The following PTPRM variants were observed in gnomAD, a reference collection of about 807,000 sequenced individuals.
The protein encoded by PTPRM is protein tyrosine phosphatase receptor type M, also known as receptor-type tyrosine-protein phosphatase mu.
PTPRM carries 47 observed loss-of-function variants against 186.7 expected under a neutral mutation model. The ratio of observed to expected loss-of-function variants is 0.25; its 90% CI spans 0.20 to 0.32. The LOEUF (loss-of-function observed/expected upper bound fraction) is 0.32, where lower values mean the gene tolerates loss of function less well. PTPRM is among the 10% of genes least tolerant of loss of function. The pLI is 1.00. For synonymous variants in PTPRM, 668 were observed against 674.9 expected, an observed-to-expected ratio of 0.99 and a Z score of 0.16; for missense variants, 1,494 against 1,865.0, an observed-to-expected ratio of 0.80 and a Z score of 3.66.
chr18:8,155,720 T>C (rs1299788354), intron 14 of PTPRM, among the ~76,000 whole-genome samples: 1 of 152,198 alleles, frequency 6.6e-6, no homozygotes, highest in Non-Finnish European at 1.5e-5. Context: ...TTCAAAGAGA[T>C]GCCTGCAGCA....
chr18:8,228,119 G>A (rs2094237844), intron 14 of PTPRM, among the ~76,000 whole-genome samples: 1 of 152,246 alleles, frequency 6.6e-6, no homozygotes, highest in African/African-American at 2.4e-5. Flanking sequence ...CCCAAGTGGA[G>A]GGTGTTGTTT....
At chr18:7,939,973 C>G (rs1298506884) in intron 5 of PTPRM, among the ~76,000 whole-genome samples, 2 of 152,144 alleles carry the variant, frequency 1.3e-5, no homozygotes, top group Non-Finnish European at 2.9e-5. Flanking sequence ...TTTCTAGATG[C>G]TCAGTGGTAC....
intron 7 of PTPRM, among the ~76,000 whole-genome samples, chr18:8,024,821 C>T (rs548650452): frequency 3.3e-5 from 5 of 151,596 alleles, no homozygotes; most frequent in Admixed American, 6.6e-5. Flanking sequence ...GTAGCTGGTA[C>T]TACAGATGCA....
At chr18:8,115,119 A>G (rs543384910) in intron 13 of PTPRM, among the ~76,000 whole-genome samples, 1 of 152,290 alleles carries the variant, frequency 6.6e-6, no homozygotes, top group East Asian at 1.9e-4. Context: ...TAATTTTTAT[A>G]TGATCTCAGT....
At chr18:8,144,219 G>A (rs1049193329) in intron 14 of PTPRM, among the ~76,000 whole-genome samples, 12 of 152,196 alleles carry the variant, frequency 7.9e-5, no homozygotes, top group African/African-American at 2.9e-4. Flanking sequence ...CACCGTGCTA[G>A]GGAAGGTCAT....
At chr18:7,569,841 G>A (rs2036525412) in intron 1 of PTPRM, among the ~76,000 whole-genome samples, 1 of 152,140 alleles carries the variant, frequency 6.6e-6, no homozygotes, top group East Asian at 1.9e-4. Flanking sequence ...ATTTGTTTGA[G>A]TTAATCATAC....
At chr18:8,387,469 T>A (rs2095783141) in intron 31 of PTPRM, among the ~76,000 whole-genome samples, 1 of 149,184 alleles carries the variant, frequency 6.7e-6, no homozygotes. Context: ...GACCGTTTCA[T>A]TAGGACCCCT....
intron 1 of PTPRM, among the ~76,000 whole-genome samples, chr18:7,646,949 C>T (rs958862039): frequency 7.2e-5 from 11 of 152,020 alleles, no homozygotes; most frequent in South Asian, 4.2e-4. Context: ...GAGAATGGCA[C>T]GGACAAGGAG....
At chr18:8,047,975 G>A (rs1196420533) in intron 7 of PTPRM, among the ~76,000 whole-genome samples, 2 of 152,184 alleles carry the variant, frequency 1.3e-5, no homozygotes, top group African/African-American at 4.8e-5. Context: ...GTTAGAGTAA[G>A]TGAGTATGAA....
At chr18:7,924,330 A>G (rs1599536502) in intron 4 of PTPRM, among the ~76,000 whole-genome samples, 1 of 152,202 alleles carries the variant, frequency 6.6e-6, no homozygotes, top group African/African-American at 2.4e-5. Context: ...TAATGTTTCC[A>G]GTTAATGACA....
chr18:7,836,678 T>C (rs2046067714), intron 2 of PTPRM, among the ~76,000 whole-genome samples: 1 of 152,244 alleles, frequency 6.6e-6, no homozygotes. Context: ...ACAGGTCTGC[T>C]GTTGATGAAA....
chr18:8,283,733 C>T (rs2094927501), intron 19 of PTPRM, among the ~76,000 whole-genome samples: 1 of 152,078 alleles, frequency 6.6e-6, no homozygotes, highest in Non-Finnish European at 1.5e-5. Flanking sequence ...TTGCCTCAGC[C>T]TCCTGAGCCT....
At chr18:7,713,776 C>T (rs544822040) in intron 1 of PTPRM, among the ~76,000 whole-genome samples, 9 of 150,768 alleles carry the variant, frequency 6.0e-5, no homozygotes, top group Non-Finnish European at 8.9e-5. Context: ...TCAAAAGACA[C>T]GAAGGGCATT....
intron 5 of PTPRM, among the ~76,000 whole-genome samples, chr18:7,946,167 G>A (rs561183915): frequency 1.1e-3 from 175 of 152,310 alleles, no homozygotes; most frequent in African/African-American, 4.0e-3. Flanking sequence ...AATCCAAAAA[G>A]GAGGGTTTCT....
chr18:7,830,328 C>T (rs1369047677), intron 2 of PTPRM, among the ~76,000 whole-genome samples: 1 of 152,166 alleles, frequency 6.6e-6, no homozygotes, highest in Non-Finnish European at 1.5e-5. Context: ...GACTTAGATA[C>T]CGCAAGTCCA....
intron 19 of PTPRM, among the ~76,000 whole-genome samples, chr18:8,264,319 A>G (rs79131205): frequency 0.064 from 9,682 of 152,238 alleles, 460 homozygotes; most frequent in African/African-American, 0.13. Flanking sequence ...AAGAAACTCT[A>G]TATCATCATA....
chr18:8,262,272 A>C (rs900263664), intron 19 of PTPRM, among the ~76,000 whole-genome samples: 1 of 152,038 alleles, frequency 6.6e-6, no homozygotes, highest in African/African-American at 2.4e-5. Flanking sequence ...TTCCCCTTCA[A>C]ATCTGTTCCA....
chr18:8,189,579 A>G (rs2093684964), intron 14 of PTPRM, among the ~76,000 whole-genome samples: 1 of 152,206 alleles, frequency 6.6e-6, no homozygotes, highest in African/African-American at 2.4e-5. Flanking sequence ...TCAATGCCTG[A>G]ATTGGCATCC....
intron 1 of PTPRM, among the ~76,000 whole-genome samples, chr18:7,719,007 A>G (rs1277132389): frequency 1.3e-5 from 2 of 152,224 alleles, no homozygotes; most frequent in African/African-American, 4.8e-5. Context: ...AAAGAACTAA[A>G]AGTAGATCTA....
Sources: gnomAD v4.1 joint callset for allele counts (sites outside exome capture counted in the v4.1 genomes callset) on GRCh38, gnomAD v4.1.1 for gene constraint, MANE v1.5 for transcripts, NCBI Gene and HGNC (gene_info 2026-07-23, HGNC 2026-07-21) for gene names.